Variants in TTC34 observed in about 807,000 individuals in gnomAD.
TTC34 encodes the protein tetratricopeptide repeat protein 34.
In TTC34, 44 loss-of-function variants were observed where a neutral mutation model predicts 40.7. The observed-to-expected ratio is 1.08, with a 90% CI of 0.85 to 1.39. The LOEUF is 1.39. Ranked by LOEUF, TTC34 falls within the 40% of genes most tolerant of loss-of-function variation. TTC34 has a pLI of 0.00. For missense variants in TTC34, 884 were observed against 838.0 expected (o/e 1.05, Z -0.68); for synonymous variants, 422 against 398.6 (o/e 1.06, Z -0.70).
intron 6 of TTC34, among the ~76,000 whole-genome samples, chr1:2,683,515 C>A (rs1341677235): frequency 2.0e-5 from 3 of 148,778 alleles, no homozygotes; most frequent in Admixed American, 1.3e-4. Flanking sequence ...ACCCACACCA[C>A]CAGGTGAGCA....
chr1:2,683,487 C>G lies in TTC34; in HGVS notation c.2227-37924G>C, dbSNP rs534852250. Among the ~76,000 whole-genome samples, 36 of 149,028 alleles carry G rather than the reference C, an allele frequency of 2.4e-4. No homozygotes were observed. In the South Asian group the frequency reaches 6.3e-3, roughly 26 times the overall value. ...AGCACCCACACCACCAGGCGAGCAT[C>G]TGACAGCCTGGAACGGCACCCACAC... is the stretch of plus-strand genomic sequence containing the variant. On this transcript the variant is annotated intron_variant, in intron 6 of 8. Coordinates refer to ENST00000401095, the Ensembl canonical transcript of TTC34.
intron 6 of TTC34, among the ~76,000 whole-genome samples, chr1:2,682,001 A>G (rs1415246697): frequency 3.7e-5 from 2 of 54,390 alleles, no homozygotes; most frequent in African/African-American, 7.2e-5. Flanking sequence ...GGTGAGCATC[A>G]GACAGCCTGG....
chr1:2,681,787 C>T (rs1640085742), intron 6 of TTC34, among the ~76,000 whole-genome samples: 1 of 126,104 alleles, frequency 7.9e-6, no homozygotes, highest in South Asian at 2.7e-4. Flanking sequence ...ACCCACACCC[C>T]CAGGTGAGCA....
chr1:2,652,396 G>A (rs1194022415), intron 6 of TTC34, among the ~76,000 whole-genome samples: 1 of 151,926 alleles, frequency 6.6e-6, no homozygotes, highest in African/African-American at 2.4e-5. Context: ...GCCTGGAGCA[G>A]CACGCACACC....
At chr1:2,694,897 G>C (rs1297516435) in intron 6 of TTC34, among the ~76,000 whole-genome samples, 1 of 126,512 alleles carries the variant, frequency 7.9e-6, no homozygotes, top group African/African-American at 2.9e-5. Context: ...CGACAGCCTG[G>C]AACAGCACCC....
intron 6 of TTC34, among the ~76,000 whole-genome samples, chr1:2,650,762 G>A (rs1639113916): frequency 6.8e-6 from 1 of 147,602 alleles, no homozygotes; most frequent in Non-Finnish European, 1.5e-5. Flanking sequence ...GTGAGCATCT[G>A]AAACCCTGGA....
chr1:2,789,154 CG>C (rs1233256796), intron 3 of TTC34, among the ~76,000 whole-genome samples: 38 of 152,226 alleles, frequency 2.5e-4, no homozygotes, highest in African/African-American at 8.9e-4. Flanking sequence ...GGGCGCAGGT[CG>C]GGGCGGTGCT....
intron 2 of TTC34, among the ~76,000 whole-genome samples, chr1:2,797,773 G>A (rs777730016): frequency 3.9e-5 from 6 of 151,928 alleles, no homozygotes; most frequent in Non-Finnish European, 5.9e-5. Flanking sequence ...AACTGGGGGC[G>A]TCTAAACCTC....
chr1:2,695,728 A>ATCT (rs1557626060), intron 6 of TTC34, among the ~76,000 whole-genome samples: 5 of 148,744 alleles, frequency 3.4e-5, no homozygotes, highest in Admixed American at 6.7e-5. Context: ...CCAGGTGAGC[A>ATCT]GCTGAAATCC....
intron 8 of TTC34, among the ~76,000 whole-genome samples, chr1:2,643,642 C>T (rs1390675390): frequency 6.6e-6 from 1 of 151,944 alleles, no homozygotes; most frequent in African/African-American, 2.4e-5. Flanking sequence ...CTCAGCGTTG[C>T]TCTTCAGCTC....
intron 6 of TTC34, among the ~76,000 whole-genome samples, chr1:2,649,445 C>A (rs753564094): frequency 6.6e-6 from 1 of 152,106 alleles, no homozygotes; most frequent in East Asian, 1.9e-4. Context: ...TGCCCATACC[C>A]AGGTGAGCAT....
At chr1:2,644,438 C>G (rs1488952548) in exon 8 of TTC34, 1 of 1,535,482 alleles carries the variant, frequency 6.5e-7, no homozygotes, top group Non-Finnish European at 8.7e-7. Flanking sequence ...GGGCACGGTG[C>G]AGGGCTTTTT....
chr1:2,782,119 C>G (rs576111287), intron 6 of TTC34, among the ~76,000 whole-genome samples: 16 of 152,132 alleles, frequency 1.1e-4, no homozygotes, highest in Non-Finnish European at 1.8e-4. Flanking sequence ...ACCAGTGAAG[C>G]CATCAGGTCC....
At chr1:2,640,423 C>A (rs1481830217) in exon 9 of TTC34, 1 of 152,162 alleles carries the variant, frequency 6.6e-6, no homozygotes, top group African/African-American at 2.4e-5. Flanking sequence ...GCACTGATAC[C>A]TCCCAGCAGC....
At chr1:2,692,004 A>T (rs561899576) in intron 6 of TTC34, among the ~76,000 whole-genome samples, 2 of 65,944 alleles carry the variant, frequency 3.0e-5, no homozygotes, top group African/African-American at 5.3e-5. Context: ...AGCATCTGAC[A>T]GCATGTATCA....
intron 6 of TTC34, among the ~76,000 whole-genome samples, chr1:2,647,491 A>T (rs1458922736): frequency 6.6e-6 from 1 of 152,122 alleles, no homozygotes; most frequent in Non-Finnish European, 1.5e-5. Flanking sequence ...AAACTTAGCC[A>T]GGCATAGTGG....
chr1:2,789,399 G>T, intron 3 of TTC34, 104 bp downstream of exon 3: 1 of 1,172,124 alleles, frequency 8.5e-7, no homozygotes, highest in Non-Finnish European at 1.1e-6. Flanking sequence ...ACCAGCCACT[G>T]CCTCCGTTCA....
intron 6 of TTC34, among the ~76,000 whole-genome samples, chr1:2,687,255 G>T (rs1319140855): frequency 7.7e-6 from 1 of 130,538 alleles, no homozygotes; most frequent in Non-Finnish European, 1.6e-5. Flanking sequence ...CCCCAGGTGC[G>T]CATCTGATGG....
intron 6 of TTC34, among the ~76,000 whole-genome samples, chr1:2,748,935 C>T (rs1569684453): frequency 6.6e-5 from 5 of 75,380 alleles, no homozygotes; most frequent in South Asian, 5.2e-4. Context: ...AGGGGAGTAT[C>T]TGACAGACTG....
Sources: allele counts gnomAD v4.1 joint callset (sites outside exome capture counted in the v4.1 genomes callset), GRCh38; gene constraint gnomAD v4.1.1; transcripts MANE v1.5; gene names NCBI Gene and HGNC (gene_info 2026-07-23, HGNC 2026-07-21).